GRHL2: variants seen among roughly 807,000 people sequenced by gnomAD.
The protein encoded by GRHL2 is grainyhead like transcription factor 2.
In GRHL2, 21 loss-of-function variants were observed where a neutral mutation model predicts 83.8. That is an observed-to-expected ratio of 0.25 (90% CI 0.18 to 0.36). The LOEUF (loss-of-function observed/expected upper bound fraction) is 0.36, where lower values mean the gene tolerates loss of function less well. Ranked by LOEUF, GRHL2 falls within the 10% of genes least tolerant of loss-of-function variation. The pLI is 1.00. For missense variants in GRHL2, 623 were observed against 781.8 expected, an observed-to-expected ratio of 0.80 and a Z score of 2.42; for synonymous variants, 280 against 278.9, an observed-to-expected ratio of 1.00 and a Z score of -0.04.
intron 8 of GRHL2, among the ~76,000 whole-genome samples, chr8:101,615,945 G>A (rs1272329594): frequency 6.6e-6 from 1 of 152,166 alleles, no homozygotes; most frequent in Non-Finnish European, 1.5e-5. Context: ...TTCTGTCTCT[G>A]TGATTGTAGT....
rs1254577388 is a variant in GRHL2 at position 101,644,237 on chromosome 8, G to C, written c.1612+12G>C. 2 of 1,602,584 alleles carry C rather than the reference G, an allele frequency of 1.2e-6. No individual in the cohort carries two copies. Among genetic ancestry groups the C allele is most frequent in the Non-Finnish European group, 1.7e-6 (2 of 1,170,738 alleles). Reference sequence around the variant, plus strand: ...AGGGACAAAGCGAGGTATCTCTCCTGCTGGGGCATGCCCTCTCAGAAGGGA... The same window carrying C: ...AGGGACAAAGCGAGGTATCTCTCCTCCTGGGGCATGCCCTCTCAGAAGGGA... On this transcript the variant is annotated intron_variant, in intron 13 of 15. Transcript: ENST00000646743.
At chr8:101,652,278 T>A (rs1213478432) in intron 14 of GRHL2, among the ~76,000 whole-genome samples, 1 of 151,752 alleles carries the variant, frequency 6.6e-6, no homozygotes, top group African/African-American at 2.4e-5. Flanking sequence ...ATATTATATA[T>A]CTATATTGGT....
rs138767136 is a variant in GRHL2 at position 101,602,054 on chromosome 8, C to T, written c.1098+2903C>T. 3.5e-3 allele frequency among the ~76,000 whole-genome samples: 538 copies of T among 152,262 alleles called. 3 individuals carry two copies. The highest frequency in any genetic ancestry group is 0.012 in the African/African-American group (518 of 41,534). On this transcript the variant is annotated intron_variant, in intron 8 of 15. Coordinates refer to ENST00000646743, the MANE Select transcript of GRHL2 (RefSeq NM_024915.4). ...ATGTGTTCTCATTGTTCAGCTCCCA[C>T]TTATGAGTGAGAACATGAGGTGTTT...
At chr8:101,523,637 G>T (rs1400094165) in intron 1 of GRHL2, among the ~76,000 whole-genome samples, 3 of 151,822 alleles carry the variant, frequency 2.0e-5, no homozygotes, top group Non-Finnish European at 4.4e-5. Flanking sequence ...CACCATGTGT[G>T]GCTAATTTTT....
chr8:101,540,132 A>G (rs1811122938), intron 1 of GRHL2, among the ~76,000 whole-genome samples: 1 of 152,230 alleles, frequency 6.6e-6, no homozygotes, highest in Non-Finnish European at 1.5e-5. Context: ...ATATATCCAC[A>G]AATTTTATGG....
intron 14 of GRHL2, among the ~76,000 whole-genome samples, chr8:101,654,097 G>A (rs1283802785): frequency 1.3e-5 from 2 of 152,180 alleles, no homozygotes; most frequent in Non-Finnish European, 2.9e-5. Context: ...CCTGGGTCTA[G>A]GCTACCACCT....
chr8:101,495,801 A>G (rs1810089228), intron 1 of GRHL2, among the ~76,000 whole-genome samples: 1 of 152,160 alleles, frequency 6.6e-6, no homozygotes, highest in African/African-American at 2.4e-5. Context: ...CTTCTAATAA[A>G]CACAATGCTT....
At chr8:101,600,414 G>T (rs188773425) in intron 8 of GRHL2, among the ~76,000 whole-genome samples, 295 of 152,328 alleles carry the variant, frequency 1.9e-3, no homozygotes, top group African/African-American at 6.8e-3. Flanking sequence ...GGCTACCCGA[G>T]CCCCGTTCTC....
intron 14 of GRHL2, among the ~76,000 whole-genome samples, chr8:101,650,995 G>A (rs1813611034): frequency 6.6e-6 from 1 of 151,926 alleles, no homozygotes; most frequent in African/African-American, 2.4e-5. Flanking sequence ...TTCTTCTATA[G>A]GATTTTTCCA....
intron 13 of GRHL2, among the ~76,000 whole-genome samples, chr8:101,647,403 T>TGAC (rs1813533435): frequency 7.9e-6 from 1 of 126,124 alleles, no homozygotes; most frequent in African/African-American, 3.7e-5. Context: ...CTGCTGGAAA[T>TGAC]TCCTTTTTTT....
chr8:101,602,776 G>A (rs1247571127), intron 8 of GRHL2, among the ~76,000 whole-genome samples: 3 of 152,144 alleles, frequency 2.0e-5, no homozygotes, highest in Admixed American at 6.5e-5. Context: ...GAGTTTTCAT[G>A]CCCAACTATG....
intron 2 of GRHL2, among the ~76,000 whole-genome samples, chr8:101,551,493 A>T (rs907600491): frequency 6.6e-6 from 1 of 152,098 alleles, no homozygotes; most frequent in African/African-American, 2.4e-5. Flanking sequence ...AGTGGAAATC[A>T]CAGGAATTGC....
intron 14 of GRHL2, among the ~76,000 whole-genome samples, chr8:101,653,127 A>C (rs1399860044): frequency 6.6e-6 from 1 of 152,194 alleles, no homozygotes; most frequent in Non-Finnish European, 1.5e-5. Context: ...CCAAGAAATG[A>C]TCTTTATGCC....
chr8:101,649,302 T>G (rs1049010931), intron 13 of GRHL2, 112 bp from the exon 14 acceptor site: 2 of 800,442 alleles, frequency 2.5e-6, no homozygotes, highest in East Asian at 2.6e-5. Context: ...GTTCTGAGGC[T>G]TCGCAGGAGG....
In GRHL2 at chr8:101,610,701, C is replaced by A. The variant is rs574072740; in HGVS notation, c.1099-8838C>A. ...GTCCCAGAAAGGTTAGACAATGAGTCCAAGGCTGTAGTGCTAGGGTTTGCA... is the reference window on the plus strand; with the variant it reads ...GTCCCAGAAAGGTTAGACAATGAGTACAAGGCTGTAGTGCTAGGGTTTGCA... On this transcript the variant is annotated intron_variant, in intron 8 of 15. Transcript: ENST00000646743. Among the ~76,000 whole-genome samples the A allele has an allele frequency of 3.3e-5, 5 of 151,034 alleles. No individual in the cohort carries two copies. The South Asian group carries it at 1.0e-3, about 31-fold the overall frequency.
chr8:101,552,433 G>A (rs968468818), intron 2 of GRHL2, among the ~76,000 whole-genome samples: 7 of 152,208 alleles, frequency 4.6e-5, no homozygotes, highest in African/African-American at 7.2e-5. Context: ...GGTGGGGAGC[G>A]CATGAGAGGT....
chr8:101,680,637 C>G, the GRHL2 span, among the ~76,000 whole-genome samples: 1 of 124,870 alleles, frequency 8.0e-6, no homozygotes, highest in Non-Finnish European at 1.7e-5. Flanking sequence ...TTTTCAGCAC[C>G]ACACCACACC....
chr8:101,613,232 C>T lies in GRHL2; in HGVS notation c.1099-6307C>T, dbSNP rs897161618. 1.3e-5 allele frequency among the ~76,000 whole-genome samples: 2 copies of T among 150,558 alleles called. 1 individual carries two copies. Among genetic ancestry groups the T allele is most frequent in the African/African-American group, 5.0e-5 (2 of 40,142 alleles). ...GGGAACTACAGTAGAGTATGTGAGT[C>T]CACCAAGCATGCATCTGCGTGTATA... On this transcript the variant is annotated intron_variant, in intron 8 of 15. Coordinates refer to ENST00000646743, the MANE Select transcript of GRHL2 (RefSeq NM_024915.4).
At chr8:101,652,619 T>C (rs1297958509) in intron 14 of GRHL2, among the ~76,000 whole-genome samples, 1 of 135,004 alleles carries the variant, frequency 7.4e-6, no homozygotes, top group East Asian at 2.1e-4. Flanking sequence ...GTGTGGTGTG[T>C]GTGTGTGTGT....
Sources: gnomAD v4.1 joint callset for allele counts (sites outside exome capture counted in the v4.1 genomes callset) on GRCh38, gnomAD v4.1.1 for gene constraint, MANE v1.5 for transcripts, NCBI Gene and HGNC (gene_info 2026-07-23, HGNC 2026-07-21) for gene names.